Variants in PDCD1LG2 observed in about 807,000 individuals in gnomAD.
PDCD1LG2 encodes programmed cell death 1 ligand 2, also known as B7 dendritic cell molecule.
PDCD1LG2 carries 32 observed loss-of-function variants against 28.2 expected under a neutral mutation model. The observed-to-expected ratio is 1.13, with a 90% CI of 0.86 to 1.52. The LOEUF (loss-of-function observed/expected upper bound fraction) is 1.52, where lower values mean the gene tolerates loss of function less well. Among genes scored for constraint, PDCD1LG2 ranks in the 40% most tolerant of loss-of-function variants. The pLI is 0.00. For missense variants in PDCD1LG2, 385 were observed against 323.8 expected, an observed-to-expected ratio of 1.19 and a Z score of -1.45; for synonymous variants, 116 against 120.2, an observed-to-expected ratio of 0.97 and a Z score of 0.23.
intron 2 of PDCD1LG2, among the ~76,000 whole-genome samples, chr9:5,534,101 A>G (rs1233413176): frequency 6.6e-6 from 1 of 152,030 alleles, no homozygotes; most frequent in Non-Finnish European, 1.5e-5. Context: ...TTTTCTGAAA[A>G]AAAGGATAGA....
At chr9:5,526,736 C>G (rs1343167968) in intron 2 of PDCD1LG2, among the ~76,000 whole-genome samples, 1 of 152,154 alleles carries the variant, frequency 6.6e-6, no homozygotes, top group Non-Finnish European at 1.5e-5. Flanking sequence ...TCACTCTCAG[C>G]CTGCCCTTTA....
chr9:5,514,337 T>C (rs776276043), intron 1 of PDCD1LG2, among the ~76,000 whole-genome samples: 1 of 152,176 alleles, frequency 6.6e-6, no homozygotes, highest in Non-Finnish European at 1.5e-5. Context: ...GTATTTCATC[T>C]ATCAGTTTGG....
At chr9:5,526,609 T>C (rs1284133390) in intron 2 of PDCD1LG2, among the ~76,000 whole-genome samples, 1 of 152,102 alleles carries the variant, frequency 6.6e-6, no homozygotes, top group Admixed American at 6.6e-5. Context: ...GGCTAATTTT[T>C]TAAACATTTT....
Position 5,549,433 on chromosome 9 carries a change from T to C in PDCD1LG2, c.460T>C (p.Ser154Pro). 6 of 1,614,210 alleles carry C rather than the reference T, an allele frequency of 3.7e-6. No homozygotes were observed. The highest frequency in any genetic ancestry group is 5.1e-6 in the Non-Finnish European group (6 of 1,180,032). The change falls in exon 4 of 7, where the codon TCC becomes CCC. Residue 154 changes from serine to proline, a missense_variant. Transcript: ENST00000397747. Reference sequence around the variant, plus strand: ...TACAGGTTATCCTCTGGCAGAAGTATCCTGGCCAAACGTCAGCGTTCCTGC... The same window carrying C: ...TACAGGTTATCCTCTGGCAGAAGTACCCTGGCCAAACGTCAGCGTTCCTGC... ...QATGYPLAEVSWPNVSVPANT... is the reference protein window; with the variant it reads ...QATGYPLAEVPWPNVSVPANT...
chr9:5,563,402 G>A (rs1039764152), intron 6 of PDCD1LG2, among the ~76,000 whole-genome samples, 191 bp downstream of exon 6: 2 of 152,064 alleles, frequency 1.3e-5, no homozygotes, highest in African/African-American at 4.8e-5. Flanking sequence ...TCTTTTGCTC[G>A]GTCTATATTC....
At chr9:5,535,210 T>A (rs760521767) in intron 3 of PDCD1LG2, among the ~76,000 whole-genome samples, 160 bp downstream of exon 3, 2 of 152,164 alleles carry the variant, frequency 1.3e-5, no homozygotes, top group Non-Finnish European at 2.9e-5. Context: ...CGGAAATAAT[T>A]TTTGACATCT....
intron 2 of PDCD1LG2, among the ~76,000 whole-genome samples, chr9:5,524,619 G>C (rs1586795562): frequency 6.6e-6 from 1 of 152,014 alleles, no homozygotes; most frequent in Admixed American, 6.6e-5. Context: ...TTTGATTTCA[G>C]AGGAGGGTAC....
intron 3 of PDCD1LG2, among the ~76,000 whole-genome samples, chr9:5,540,757 G>T (rs563061507): frequency 6.6e-6 from 1 of 152,248 alleles, no homozygotes; most frequent in Non-Finnish European, 1.5e-5. Context: ...GGACCAGACA[G>T]ATTCATAGCT....
chr9:5,556,987 C>T (rs913357816), intron 4 of PDCD1LG2, among the ~76,000 whole-genome samples: 2 of 152,206 alleles, frequency 1.3e-5, no homozygotes, highest in Non-Finnish European at 2.9e-5. Context: ...AGGCAAAGGG[C>T]CAATTGTAAT....
At chr9:5,549,304 G>A (rs1219284069) in intron 3 of PDCD1LG2, 31 bp from the exon 4 acceptor site, 1 of 1,579,398 alleles carries the variant, frequency 6.3e-7, no homozygotes, top group Non-Finnish European at 8.6e-7. Flanking sequence ...AGAAAATAAA[G>A]TCTTATTTCT....
At chr9:5,515,481 G>T (rs1432015323) in intron 1 of PDCD1LG2, among the ~76,000 whole-genome samples, 1 of 152,220 alleles carries the variant, frequency 6.6e-6, no homozygotes, top group East Asian at 1.9e-4. Context: ...GAGCAAGGCG[G>T]AGAGGAGCTT....
rs2129975538 is a variant in PDCD1LG2, at chr9:5,569,958, G to C, written c.821G>C (p.Ter274SerextTer12). Residue 274 changes from the stop codon to serine (S), a stop_lost, in exon 7 of 7, where the codon TGA becomes TCA. Coordinates refer to ENST00000397747, the MANE Select transcript of PDCD1LG2 (RefSeq NM_025239.4). The surrounding 1 kb of genome is among the most constrained non-coding windows in gnomAD (Gnocchi z 4.1). ...TTKREVNSAI[*>S] ...TTTGTGGGCTTTTCTCCCCAGATCT[G>C]AACCTGTGGTCTTGGGAGCCAGGGT... is the stretch of plus-strand genomic sequence containing the variant. The C allele has an allele frequency of 6.2e-7, 1 of 1,613,970 alleles. No individual in the cohort carries two copies. The highest frequency in any genetic ancestry group is 8.5e-7 in the Non-Finnish European group (1 of 1,179,886).
At chr9:5,523,568 G>A (rs1820317426) in intron 2 of PDCD1LG2, among the ~76,000 whole-genome samples, 1 of 152,204 alleles carries the variant, frequency 6.6e-6, no homozygotes, top group African/African-American at 2.4e-5. Context: ...CCTCCTCAAA[G>A]GAAGACCCTG....
intron 4 of PDCD1LG2, 97 bp from the exon 5 acceptor site, chr9:5,557,521 G>C (rs2129918932): frequency 7.1e-7 from 1 of 1,407,128 alleles, no homozygotes; most frequent in Non-Finnish European, 9.9e-7. Context: ...GCTCCACAGA[G>C]CTAGCCGTGT....
At chr9:5,546,474 T>C (rs552879851) in intron 3 of PDCD1LG2, among the ~76,000 whole-genome samples, 1 of 152,310 alleles carries the variant, frequency 6.6e-6, no homozygotes, top group East Asian at 1.9e-4. Context: ...AATACACACT[T>C]CGGGTACTGT....
Position 5,569,625 on chromosome 9 carries a change from T to C in PDCD1LG2, c.817-329T>C, listed in dbSNP as rs554841586. 1.1e-4 allele frequency among the ~76,000 whole-genome samples: 16 copies of C among 152,286 alleles called. No homozygotes were observed. The highest frequency in any genetic ancestry group is 1.8e-4 in the Non-Finnish European group (12 of 68,016). ...TGAATAATGAGTCTGCAGGAATTAA[T>C]AGAAATATCTGACACAATAGGGAAC... On this transcript the variant is annotated intron_variant, in intron 6 of 6. Transcript: ENST00000397747. This position sits in a 1 kb window ranked among gnomAD's most constrained non-coding sequence, Gnocchi z 4.1.
chr9:5,538,544 C>T (rs1014234893), intron 3 of PDCD1LG2, among the ~76,000 whole-genome samples: 5 of 151,928 alleles, frequency 3.3e-5, no homozygotes, highest in Non-Finnish European at 7.4e-5. Context: ...AAAAATTAGC[C>T]GGGCGCGGTG....
chr9:5,516,158 T>C (rs891779020), intron 1 of PDCD1LG2, among the ~76,000 whole-genome samples: 1 of 151,878 alleles, frequency 6.6e-6, no homozygotes, highest in Non-Finnish European at 1.5e-5. Context: ...TTCAAGCGAT[T>C]CTCCTGCTTC....
chr9:5,565,472 C>T (rs141417576), intron 6 of PDCD1LG2, among the ~76,000 whole-genome samples: 4,383 of 152,358 alleles, frequency 0.029, 85 homozygotes, highest in Middle Eastern at 0.054. Flanking sequence ...GCGTAAGCCA[C>T]TGTGCCCAGC....
Sources: allele counts gnomAD v4.1 joint callset (sites outside exome capture counted in the v4.1 genomes callset), GRCh38; gene constraint gnomAD v4.1.1; non-coding constraint Gnocchi (gnomAD v3.1); transcripts MANE v1.5; gene names NCBI Gene and HGNC (gene_info 2026-07-23, HGNC 2026-07-21).